The following TTC28 variants were observed in gnomAD, a reference collection of about 807,000 sequenced individuals.
TTC28 encodes tetratricopeptide repeat protein 28.
In TTC28, 61 loss-of-function variants were observed where a neutral mutation model predicts 198.0. That is an observed-to-expected ratio of 0.31 (90% CI 0.25 to 0.38). TTC28 has a LOEUF of 0.38. TTC28 is among the 10% of genes least tolerant of loss of function. The pLI is 1.00. For synonymous variants in TTC28, 1,171 were observed against 1,297.8 expected, an observed-to-expected ratio of 0.90 and a Z score of 2.10; for missense variants, 2,678 against 3,164.0, an observed-to-expected ratio of 0.85 and a Z score of 3.69.
rs554830883 is a variant in TTC28 at position 28,430,248 on chromosome 22, T to C, written c.382-123605A>G. 1.7e-4 allele frequency among the ~76,000 whole-genome samples: 26 copies of C among 152,248 alleles called. No individual in the cohort carries two copies. The East Asian group carries it at 2.9e-3, about 17-fold the overall frequency. ...TGGGAACAAATTAAGATGATTTCCCTTACAGAAATTGCCATAATTACAAGT... is the reference window on the plus strand; with the variant it reads ...TGGGAACAAATTAAGATGATTTCCCCTACAGAAATTGCCATAATTACAAGT... On this transcript the variant is annotated intron_variant, in intron 2 of 22. Coordinates refer to ENST00000397906, the MANE Select transcript of TTC28 (RefSeq NM_001145418.2).
intron 2 of TTC28, among the ~76,000 whole-genome samples, chr22:28,577,102 C>A (rs2050163194): frequency 6.6e-6 from 1 of 151,992 alleles, no homozygotes; most frequent in Non-Finnish European, 1.5e-5. Context: ...GATGTAGACA[C>A]TTATTGCCAT....
chr22:28,506,894 A>T (rs1489998688), intron 2 of TTC28, among the ~76,000 whole-genome samples: 2 of 152,220 alleles, frequency 1.3e-5, no homozygotes, highest in African/African-American at 4.8e-5. Flanking sequence ...CCCCACAAAA[A>T]ATCCATTCAA....
chr22:28,111,250 T>G (rs1942472240), intron 6 of TTC28, among the ~76,000 whole-genome samples: 1 of 152,154 alleles, frequency 6.6e-6, no homozygotes, highest in Non-Finnish European at 1.5e-5. Flanking sequence ...GTAATATTCC[T>G]GGGGACTGGG....
chr22:28,549,784 G>T (rs1169631553), intron 2 of TTC28, among the ~76,000 whole-genome samples: 2 of 152,156 alleles, frequency 1.3e-5, no homozygotes, highest in Non-Finnish European at 2.9e-5. Context: ...AAATGTGCTT[G>T]ATTTGCTAAC....
chr22:28,268,986 A>C (rs1306163292), intron 5 of TTC28, among the ~76,000 whole-genome samples: 1 of 152,210 alleles, frequency 6.6e-6, no homozygotes, highest in Non-Finnish European at 1.5e-5. Context: ...TATCTTTAAT[A>C]ACATGCCTAA....
rs1420498694 is a variant in TTC28, at chr22:28,575,869, T to C, written c.381+53683A>G. Among the ~76,000 whole-genome samples, 8 of 152,342 alleles carry C rather than the reference T, an allele frequency of 5.3e-5. 1 individual carries two copies. In the South Asian group the frequency reaches 1.7e-3, roughly 32 times the overall value. ...ATGTTTATTTTGTATCCTGCAACTT[T>C]ACTGAATTTATCAGTTCTAATAGTT... On this transcript the variant is annotated intron_variant, in intron 2 of 22. Coordinates refer to ENST00000397906, the MANE Select transcript of TTC28 (RefSeq NM_001145418.2).
At chr22:28,436,268 G>A (rs2047518798) in intron 2 of TTC28, among the ~76,000 whole-genome samples, 1 of 152,166 alleles carries the variant, frequency 6.6e-6, no homozygotes, top group Non-Finnish European at 1.5e-5. Context: ...GAAGATCACT[G>A]TGCATCTCAT....
chr22:27,993,259 T>C, intron 18 of TTC28, 28 bp downstream of exon 18: 7 of 1,474,068 alleles, frequency 4.7e-6, no homozygotes, highest in Non-Finnish European at 6.3e-6. Context: ...GCCAGGCCTG[T>C]TGCCCCAGCC....
At chr22:28,235,523 C>A (rs1929174970) in intron 5 of TTC28, among the ~76,000 whole-genome samples, 1 of 152,120 alleles carries the variant, frequency 6.6e-6, no homozygotes, top group African/African-American at 2.4e-5. Flanking sequence ...GGAAGACTAG[C>A]CCTGTCAGAT....
intron 2 of TTC28, among the ~76,000 whole-genome samples, chr22:28,548,039 G>A (rs1451850095): frequency 6.6e-6 from 1 of 151,596 alleles, no homozygotes; most frequent in African/African-American, 2.4e-5. Flanking sequence ...TAATTCAAAT[G>A]CACTAGTTTT....
chr22:28,644,793 A>G (rs1348838555), intron 1 of TTC28, among the ~76,000 whole-genome samples: 3 of 151,932 alleles, frequency 2.0e-5, no homozygotes, highest in Admixed American at 6.6e-5. Flanking sequence ...ACTGCACTCC[A>G]GCCTGGGCAA....
At chr22:28,309,185 A>T (rs1238232454) in intron 2 of TTC28, among the ~76,000 whole-genome samples, 2 of 152,204 alleles carry the variant, frequency 1.3e-5, no homozygotes, top group East Asian at 1.9e-4. Flanking sequence ...TGGGAAAAGA[A>T]TCTTAATAAG....
At chr22:28,082,106 A>G (rs1941386448) in intron 12 of TTC28, among the ~76,000 whole-genome samples, 1 of 152,146 alleles carries the variant, frequency 6.6e-6, no homozygotes, top group South Asian at 2.1e-4. Flanking sequence ...TTGATTTCAT[A>G]TCCTGCAGAT....
chr22:28,096,536 C>T, intron 10 of TTC28, 128 bp from the exon 11 acceptor site: 1 of 939,720 alleles, frequency 1.1e-6, no homozygotes, highest in Non-Finnish European at 1.6e-6. Context: ...GTGACAGAAT[C>T]TCAGTCACAC....
chr22:28,279,794 C>T (rs1287529461), intron 5 of TTC28, among the ~76,000 whole-genome samples: 4 of 152,302 alleles, frequency 2.6e-5, no homozygotes, highest in East Asian at 3.9e-4. Flanking sequence ...TCCTCACCTC[C>T]GCTCCCAAAG....
At chr22:28,125,468 T>C (rs1181918917) in intron 6 of TTC28, among the ~76,000 whole-genome samples, 1 of 152,162 alleles carries the variant, frequency 6.6e-6, no homozygotes, top group Non-Finnish European at 1.5e-5. Flanking sequence ...GGGTAGTAAC[T>C]GTAGAAATGG....
chr22:28,586,666 A>G (rs1379296309), intron 2 of TTC28, among the ~76,000 whole-genome samples: 3 of 152,178 alleles, frequency 2.0e-5, no homozygotes, highest in Non-Finnish European at 4.4e-5. Context: ...ACTATGGGAA[A>G]CAAGACAGGA....
intron 2 of TTC28, among the ~76,000 whole-genome samples, chr22:28,559,097 G>C (rs1289985310): frequency 6.6e-6 from 1 of 151,938 alleles, no homozygotes; most frequent in Non-Finnish European, 1.5e-5. Context: ...CCCAAAAAGA[G>C]TTGATATGTA....
Position 27,996,588 on chromosome 22 carries a change from G to C in TTC28, c.5120-329C>G, listed in dbSNP as rs549659517. 5.4e-4 allele frequency among the ~76,000 whole-genome samples: 82 copies of C among 152,332 alleles called. 1 individual carries two copies. Among genetic ancestry groups the C allele is most frequent in the Middle Eastern group, 3.4e-3 (1 of 294 alleles). The stretch of plus-strand genomic sequence containing the variant: ...TCTTTGTCTATCCTTAGGCCTTTAG[G>C]GGGGAACACGTCAGGGGAGGGGAGG... On this transcript the variant is annotated intron_variant, in intron 16 of 22. Transcript: ENST00000397906.
Sources: gnomAD v4.1 joint callset for allele counts (sites outside exome capture counted in the v4.1 genomes callset) on GRCh38, gnomAD v4.1.1 for gene constraint, MANE v1.5 for transcripts, NCBI Gene and HGNC (gene_info 2026-07-23, HGNC 2026-07-21) for gene names.